DAB1: variants seen among roughly 807,000 people sequenced by gnomAD.
The protein encoded by DAB1 is disabled homolog 1.
DAB1 carries 15 observed loss-of-function variants against 64.6 expected under a neutral mutation model. The ratio of observed to expected loss-of-function variants is 0.23; its 90% CI spans 0.16 to 0.36. The LOEUF (loss-of-function observed/expected upper bound fraction) is 0.36. Ranked by LOEUF, DAB1 falls within the 10% of genes least tolerant of loss-of-function variation. The pLI, the probability that DAB1 is intolerant of heterozygous loss-of-function variation, is 1.00. For synonymous variants in DAB1, 235 were observed against 251.9 expected (o/e 0.93, Z 0.64); for missense variants, 596 against 706.7 (o/e 0.84, Z 1.78).
intron 6 of DAB1, among the ~76,000 whole-genome samples, chr1:57,749,669 C>G (rs963065822): frequency 5.3e-5 from 8 of 151,922 alleles, no homozygotes; most frequent in African/African-American, 1.9e-4. Context: ...GTGATGATCC[C>G]CATTCTATGT....
intron 1 of DAB1, among the ~76,000 whole-genome samples, chr1:57,418,261 T>G (rs1393112269): frequency 2.6e-5 from 4 of 152,198 alleles, no homozygotes; most frequent in Non-Finnish European, 4.4e-5. Flanking sequence ...TCACAGCTTT[T>G]CAATTATTTT....
chr1:57,865,059 G>A (rs1165925759), intron 1 of DAB1: 1 of 152,108 alleles, frequency 6.6e-6, no homozygotes, highest in Admixed American at 6.6e-5. Context: ...TGTGCCAAAT[G>A]GTGATTCAGG....
At chr1:57,894,210 G>C (rs1644359469) in intron 5 of DAB1, among the ~76,000 whole-genome samples, 1 of 152,158 alleles carries the variant, frequency 6.6e-6, no homozygotes, top group African/African-American at 2.4e-5. Flanking sequence ...CCTTCCTTTT[G>C]TTCTTGCTCT....
intron 9 of DAB1, among the ~76,000 whole-genome samples, chr1:57,027,164 G>A (rs1646816232): frequency 1.3e-5 from 2 of 152,186 alleles, no homozygotes; most frequent in African/African-American, 2.4e-5. Context: ...CTACTGGCAA[G>A]TGAGCAAGCT....
At chr1:57,208,227 ACTAATTT>A (rs1665745446) in intron 2 of DAB1, among the ~76,000 whole-genome samples, 1 of 150,586 alleles carries the variant, frequency 6.6e-6, no homozygotes, top group Non-Finnish European at 1.5e-5. Context: ...GTATTTATAC[ACTAATTT>A]CTAAGAGTCA....
At chr1:57,133,751 A>C (rs114136277) in intron 4 of DAB1, among the ~76,000 whole-genome samples, 6 of 152,208 alleles carry the variant, frequency 3.9e-5, no homozygotes, top group African/African-American at 1.4e-4. Flanking sequence ...TTTTAAAAAA[A>C]GTGCAGTCAA....
chr1:57,072,920 C>T (rs953588092), intron 4 of DAB1, among the ~76,000 whole-genome samples: 2 of 152,108 alleles, frequency 1.3e-5, no homozygotes, highest in African/African-American at 2.4e-5. Context: ...GGAATAAATG[C>T]CTTTCTCTGT....
At chr1:57,785,276 A>C (rs1361622705) in intron 6 of DAB1, among the ~76,000 whole-genome samples, 3 of 152,178 alleles carry the variant, frequency 2.0e-5, no homozygotes, top group Non-Finnish European at 2.9e-5. Context: ...CAAGGAGATG[A>C]AAATTATTTT....
At chr1:57,592,810 T>C (rs1645460629) in intron 7 of DAB1, among the ~76,000 whole-genome samples, 1 of 152,206 alleles carries the variant, frequency 6.6e-6, no homozygotes, top group Admixed American at 6.5e-5. Flanking sequence ...GTGAGGGCTC[T>C]CTTCCTGGCT....
chr1:57,070,855 T>G (rs1570635233), intron 7 of DAB1, 168 bp downstream of exon 7: 2 of 672,344 alleles, frequency 3.0e-6, no homozygotes, highest in East Asian at 5.2e-5. Flanking sequence ...TCTGTTAGTT[T>G]TTATGGAAAT....
intron 1 of DAB1, among the ~76,000 whole-genome samples, chr1:57,296,236 C>T (rs511707): frequency 0.55 from 83,589 of 151,940 alleles, 24,351 homozygotes; most frequent in African/African-American, 0.73. Flanking sequence ...AAGTGATAGA[C>T]TGAAAATTGT....
intron 1 of DAB1, among the ~76,000 whole-genome samples, chr1:57,369,671 T>G (rs1680337898): frequency 6.6e-6 from 1 of 152,196 alleles, no homozygotes; most frequent in South Asian, 2.1e-4. Flanking sequence ...ACTTCTGAGC[T>G]TGGACTCTGG....
chr1:58,064,574 A>G (rs1237234152), intron 5 of DAB1, among the ~76,000 whole-genome samples: 3 of 152,200 alleles, frequency 2.0e-5, no homozygotes, highest in Non-Finnish European at 4.4e-5. Flanking sequence ...TTGTGCCTCC[A>G]GTCTACTCAG....
intron 3 of DAB1, among the ~76,000 whole-genome samples, chr1:57,142,627 C>CACACACACACACACACAT (rs1473201144): frequency 6.9e-6 from 1 of 144,068 alleles, no homozygotes; most frequent in African/African-American, 2.9e-5. Context: ...CACACACACA[C>CACACACACACACACACAT]ACATACACAC....
At chr1:58,479,093 TA>T (rs1295681127) in intron 3 of DAB1, among the ~76,000 whole-genome samples, 1 of 152,234 alleles carries the variant, frequency 6.6e-6, no homozygotes, top group Non-Finnish European at 1.5e-5. Flanking sequence ...TGTCAACTTA[TA>T]TATGTTTCTA....
intron 5 of DAB1, among the ~76,000 whole-genome samples, chr1:58,084,075 T>C (rs1650159694): frequency 6.6e-6 from 1 of 152,168 alleles, no homozygotes; most frequent in South Asian, 2.1e-4. Flanking sequence ...GAGTGGCACC[T>C]CCAAACTGTC....
intron 5 of DAB1, among the ~76,000 whole-genome samples, chr1:57,987,385 C>A (rs114751913): frequency 0.011 from 1,625 of 152,150 alleles, 34 homozygotes; most frequent in African/African-American, 0.038. Flanking sequence ...CTCAACCCAC[C>A]ACGATGTTAT....
At chr1:57,172,670 C>T (rs983231038) in intron 2 of DAB1, among the ~76,000 whole-genome samples, 2 of 152,142 alleles carry the variant, frequency 1.3e-5, no homozygotes, top group African/African-American at 2.4e-5. Context: ...AGAAAGGAAG[C>T]GATCAGGATT....
chr1:57,088,598 C>A (rs1198232385), intron 4 of DAB1, among the ~76,000 whole-genome samples: 4 of 152,208 alleles, frequency 2.6e-5, no homozygotes, highest in Non-Finnish European at 5.9e-5. Flanking sequence ...CCTGCTACCA[C>A]TTCCCCTTCT....
Sources: allele counts gnomAD v4.1 joint callset (sites outside exome capture counted in the v4.1 genomes callset), GRCh38; gene constraint gnomAD v4.1.1; transcripts MANE v1.5; gene names NCBI Gene and HGNC (gene_info 2026-07-23, HGNC 2026-07-21).